TUT4: variants seen among roughly 807,000 people sequenced by gnomAD.
TUT4 encodes the protein terminal uridylyl transferase 4.
In TUT4, 36 loss-of-function variants were observed where a neutral mutation model predicts 192.2. That is an observed-to-expected ratio of 0.19 (90% confidence interval 0.14 to 0.25). The LOEUF (loss-of-function observed/expected upper bound fraction) is 0.25. Ranked by LOEUF, TUT4 falls within the 10% of genes least tolerant of loss-of-function variation. The pLI is 1.00. For synonymous variants in TUT4, 618 were observed against 666.0 expected (o/e 0.93, Z 1.11); for missense variants, 1,493 against 1,957.2 (o/e 0.76, Z 4.47).
intron 1 of TUT4, among the ~76,000 whole-genome samples, chr1:52,533,292 A>C (rs1483037409): frequency 6.6e-6 from 1 of 152,206 alleles, no homozygotes; most frequent in African/African-American, 2.4e-5. Context: ...CTAGCTTTTG[A>C]CTTAAGAAAT....
rs771305382 is a variant in TUT4, at chr1:52,526,107, A to G, written c.174T>C (p.Asn58=). ...SSPNRNSSKK[N]KQNDICIEKT... ...TTTCTATACAAATATCATTTTGCTT[A>G]TTTTTTTTACTACTATTCCTATTTG... is the stretch of plus-strand genomic sequence containing the variant. The change falls in exon 2 of 30, where the codon AAT becomes AAC. Residue 58 remains asparagine, a synonymous_variant. Transcript: ENST00000257177. The G allele has an allele frequency of 6.2e-7, 1 of 1,608,138 alleles. No homozygotes were observed. The highest frequency in any genetic ancestry group is 8.5e-7 in the Non-Finnish European group (1 of 1,178,510).
chr1:52,515,979 T>C lies in TUT4; in HGVS notation c.794A>G (p.Asp265Gly). ...MDYLENATVI[D>G]ESALTPEQRL... ...CTGCTCAGGTGTCAATGCAGATTCATCTATCACAGTGGCATTTTCTAAGTA... is the reference window on the plus strand; with the variant it reads ...CTGCTCAGGTGTCAATGCAGATTCACCTATCACAGTGGCATTTTCTAAGTA... The change falls in exon 3 of 30, where the codon GAT (aspartate) becomes GGT (glycine). Residue 265 changes from aspartate (D) to glycine (G), a missense_variant. By Grantham distance (94) the Asp-to-Gly change is moderately conservative. Around this residue, in one of 7 missense-constraint regions of TUT4, gnomAD observed 437 missense variants for 577.6 expected, o/e 0.76. Transcript: ENST00000257177. 4 of 1,613,664 alleles carry C rather than the reference T, an allele frequency of 2.5e-6. No individual in the cohort carries two copies. The highest frequency in any genetic ancestry group is 3.4e-6 in the Non-Finnish European group (4 of 1,179,886).
chr1:52,425,188 G>T, intron 29 of TUT4, 161 bp downstream of exon 29: 1 of 776,712 alleles, frequency 1.3e-6, no homozygotes, highest in Non-Finnish European at 1.9e-6. Flanking sequence ...TGGAGATTTT[G>T]TTTTACAAGC....
At chr1:52,442,264 A>G (rs983320280) in intron 24 of TUT4, among the ~76,000 whole-genome samples, 6 of 152,030 alleles carry the variant, frequency 3.9e-5, no homozygotes, top group Admixed American at 6.6e-5. Context: ...ATGGATAGGG[A>G]CAAAATGGGT....
chr1:52,495,022 T>C (rs2149129391), intron 6 of TUT4, among the ~76,000 whole-genome samples: 1 of 152,282 alleles, frequency 6.6e-6, no homozygotes. Flanking sequence ...TCTCATTTAA[T>C]ATAAAAATTA....
chr1:52,471,071 CA>C (rs1446726428), intron 14 of TUT4, among the ~76,000 whole-genome samples: 1 of 131,844 alleles, frequency 7.6e-6, no homozygotes, highest in Non-Finnish European at 1.5e-5. Context: ...GGCTGGAGTG[CA>C]GTGGCATAAT....
At chr1:52,493,700 C>A in intron 6 of TUT4, 38 bp from the exon 7 acceptor site, 1 of 1,299,426 alleles carries the variant, frequency 7.7e-7, no homozygotes, top group Non-Finnish European at 1.1e-6. Context: ...ATACTAATTT[C>A]AAAGTTCGGA....
rs927579186 is a variant in TUT4, at chr1:52,539,941, G to A, written c.-94+12990C>T. On this transcript the variant is annotated intron_variant, in intron 1 of 29. Coordinates refer to ENST00000257177, the MANE Select transcript of TUT4 (RefSeq NM_001009881.3). ...AAAACAAAAAAAACAGGCCAGGCGCGGGACTACAGGCTCACACCTGTAATC... is the reference window on the plus strand; with the variant it reads ...AAAACAAAAAAAACAGGCCAGGCGCAGGACTACAGGCTCACACCTGTAATC... Among the ~76,000 whole-genome samples, 10 of 150,714 alleles carry A rather than the reference G, an allele frequency of 6.6e-5. No homozygotes were observed. In the South Asian group the frequency reaches 8.4e-4, roughly 13 times the overall value.
intron 28 of TUT4, among the ~76,000 whole-genome samples, chr1:52,427,500 A>C (rs1650374695): frequency 6.6e-6 from 1 of 152,326 alleles, no homozygotes; most frequent in East Asian, 1.9e-4. Flanking sequence ...TGATACATCA[A>C]AGGGCAAAAC....
At chr1:52,444,349 C>T (rs534126172) in intron 24 of TUT4, among the ~76,000 whole-genome samples, 2 of 152,050 alleles carry the variant, frequency 1.3e-5, no homozygotes, top group East Asian at 3.9e-4. Flanking sequence ...ATTATTATTA[C>T]CCCATAAGAG....
chr1:52,423,764 G>C lies in TUT4; in HGVS notation c.*171C>G. 1 of 1,439,940 alleles carries C rather than the reference G, an allele frequency of 6.9e-7. No individual in the cohort carries two copies. The highest frequency in any genetic ancestry group is 9.4e-7 in the Non-Finnish European group (1 of 1,061,164). 89.2% of individuals were successfully genotyped at this position (1,439,940 alleles called of 1,614,324 possible). On this transcript the variant is annotated 3_prime_UTR_variant, in exon 30 of 30. Coordinates refer to ENST00000257177, the MANE Select transcript of TUT4 (RefSeq NM_001009881.3). Reference sequence around the variant, plus strand: ...AAAAACAGTCTTAGAATTTAAATAAGCTATCTAAACGTGTTAAAATTTTAA... The same window carrying C: ...AAAAACAGTCTTAGAATTTAAATAACCTATCTAAACGTGTTAAAATTTTAA...
At chr1:52,487,780 G>A (rs542943835) in intron 9 of TUT4, among the ~76,000 whole-genome samples, 2 of 152,180 alleles carry the variant, frequency 1.3e-5, no homozygotes, top group African/African-American at 4.8e-5. Flanking sequence ...CCTTTCTGAA[G>A]AAACTAGGTC....
intron 26 of TUT4, among the ~76,000 whole-genome samples, chr1:52,435,857 C>T (rs1238532206): frequency 6.6e-6 from 1 of 152,102 alleles, no homozygotes; most frequent in Non-Finnish European, 1.5e-5. Context: ...CTGCACTGAG[C>T]TGTGATCATA....
intron 11 of TUT4, among the ~76,000 whole-genome samples, chr1:52,478,321 T>C (rs999197343): frequency 6.6e-6 from 1 of 152,228 alleles, no homozygotes; most frequent in Non-Finnish European, 1.5e-5. Context: ...CAATAATTAA[T>C]TTTAAAATAT....
intron 28 of TUT4, among the ~76,000 whole-genome samples, chr1:52,429,610 T>G (rs1651352027): frequency 1.3e-5 from 2 of 151,632 alleles, no homozygotes; most frequent in Non-Finnish European, 1.5e-5. Flanking sequence ...TTATTTTTTT[T>G]TGAGAGAGTC....
chr1:52,495,216 T>C (rs1265994999), intron 6 of TUT4, among the ~76,000 whole-genome samples: 1 of 152,166 alleles, frequency 6.6e-6, no homozygotes, highest in African/African-American at 2.4e-5. Context: ...CCAGCTTTCC[T>C]CTTCTGCTTC....
intron 28 of TUT4, among the ~76,000 whole-genome samples, chr1:52,430,776 T>A (rs376495655): frequency 3.3e-5 from 5 of 152,216 alleles, no homozygotes; most frequent in African/African-American, 1.2e-4. Context: ...GATGGCCTAT[T>A]TTACAGATGA....
At chr1:52,482,686 G>A (rs761610620) in intron 9 of TUT4, among the ~76,000 whole-genome samples, 4 of 151,992 alleles carry the variant, frequency 2.6e-5, no homozygotes, top group East Asian at 1.9e-4. Flanking sequence ...CTCCCCGCTC[G>A]GCCTCCCAAA....
chr1:52,489,442 C>T (rs566863756), intron 8 of TUT4, among the ~76,000 whole-genome samples: 2 of 152,204 alleles, frequency 1.3e-5, no homozygotes, highest in Admixed American at 6.5e-5. Flanking sequence ...ATGATAATAG[C>T]AAAAAATGAA....
Sources: allele counts gnomAD v4.1 joint callset (sites outside exome capture counted in the v4.1 genomes callset), GRCh38; gene constraint gnomAD v4.1.1; regional missense constraint gnomAD v4.1.1; transcripts MANE v1.5; gene names NCBI Gene and HGNC (gene_info 2026-07-23, HGNC 2026-07-21).